The following CSMD1 variants were observed in gnomAD, a reference collection of about 807,000 sequenced individuals.
CSMD1 encodes CUB and sushi domain-containing protein 1.
Under a neutral mutation model 417.5 loss-of-function variants are expected in CSMD1, and 213 were observed. The observed-to-expected ratio is 0.51, with a 90% CI of 0.46 to 0.57. The LOEUF (loss-of-function observed/expected upper bound fraction) is 0.57. Ranked by LOEUF, CSMD1 falls within the 20% of genes least tolerant of loss-of-function variation. The probability of loss-of-function intolerance (pLI) is 0.00; values close to 1 mark genes in which losing one functional copy is unlikely to be tolerated. For synonymous variants in CSMD1, 2,862 were observed against 1,736.8 expected, an observed-to-expected ratio of 1.65 and a Z score of -16.11; for missense variants, 6,923 against 4,529.7, an observed-to-expected ratio of 1.53 and a Z score of -15.17.
intron 12 of CSMD1, among the ~76,000 whole-genome samples, chr8:3,441,209 G>A (rs908768104): frequency 6.6e-6 from 1 of 152,170 alleles, no homozygotes; most frequent in East Asian, 1.9e-4. Context: ...GATCTGGCAG[G>A]GAGCATGGCT....
intron 3 of CSMD1, among the ~76,000 whole-genome samples, chr8:4,195,643 C>A (rs184332295): frequency 6.6e-6 from 1 of 152,066 alleles, no homozygotes; most frequent in African/African-American, 2.4e-5. Context: ...ATGGAGTTAT[C>A]GATGCTCCTT....
chr8:4,334,887 T>C (rs1024656779), intron 3 of CSMD1, among the ~76,000 whole-genome samples: 36 of 152,206 alleles, frequency 2.4e-4, no homozygotes, highest in Admixed American at 1.6e-3. Context: ...ATCAAGGTGA[T>C]AGATCAGGTG....
At chr8:4,458,222 T>G (rs1357616040) in intron 2 of CSMD1, among the ~76,000 whole-genome samples, 1 of 152,180 alleles carries the variant, frequency 6.6e-6, no homozygotes, top group Admixed American at 6.5e-5. Flanking sequence ...ATATGGAACT[T>G]ATAATGATCG....
chr8:3,586,646 T>C (rs1584925895), intron 8 of CSMD1, among the ~76,000 whole-genome samples: 1 of 152,140 alleles, frequency 6.6e-6, no homozygotes, highest in East Asian at 1.9e-4. Context: ...TGAATAAATA[T>C]TTTACAAAAA....
intron 54 of CSMD1, among the ~76,000 whole-genome samples, chr8:2,983,753 A>T (rs1805621478): frequency 2.0e-5 from 3 of 152,342 alleles, no homozygotes; most frequent in African/African-American, 7.2e-5. Flanking sequence ...GGTCGTGCCT[A>T]ACTTCTTATT....
At chr8:4,972,557 C>T (rs1810305750) in intron 1 of CSMD1, among the ~76,000 whole-genome samples, 1 of 152,160 alleles carries the variant, frequency 6.6e-6, no homozygotes, top group Non-Finnish European at 1.5e-5. Flanking sequence ...CCATGGGGAA[C>T]TGTGAGTCAA....
chr8:3,124,688 C>T (rs890237803), intron 41 of CSMD1, among the ~76,000 whole-genome samples: 2 of 152,126 alleles, frequency 1.3e-5, no homozygotes, highest in Admixed American at 6.6e-5. Context: ...TAAGTGGAGA[C>T]GAAGTAGTCG....
intron 50 of CSMD1, among the ~76,000 whole-genome samples, chr8:3,040,155 G>A (rs1487021223): frequency 1.3e-5 from 2 of 152,016 alleles, no homozygotes; most frequent in Non-Finnish European, 2.9e-5. Context: ...TGGAGAAGAT[G>A]GAAAGATTGA....
chr8:4,520,301 T>C lies in CSMD1; in HGVS notation c.303-100236A>G, dbSNP rs573096578. 9.2e-5 allele frequency among the ~76,000 whole-genome samples: 14 copies of C among 152,326 alleles called. No homozygotes were observed. The East Asian group carries it at 2.5e-3, about 27-fold the overall frequency. On this transcript the variant is annotated intron_variant, in intron 2 of 69. Coordinates refer to ENST00000635120, the MANE Select transcript of CSMD1 (RefSeq NM_033225.6). Reference sequence around the variant, plus strand: ...ATACTCCCCAAACTTCAGTTTCACATGACTAATGTAGAACATTTGCTGTAG... The same window carrying C: ...ATACTCCCCAAACTTCAGTTTCACACGACTAATGTAGAACATTTGCTGTAG...
intron 1 of CSMD1, among the ~76,000 whole-genome samples, chr8:4,794,359 G>C (rs761271314): frequency 3.9e-5 from 6 of 152,110 alleles, no homozygotes; most frequent in African/African-American, 1.4e-4. Context: ...TCTCATATAG[G>C]AGGGATTTCT....
intron 54 of CSMD1, among the ~76,000 whole-genome samples, chr8:2,989,548 G>A (rs922518062): frequency 6.6e-6 from 1 of 152,048 alleles, no homozygotes. Context: ...GAAAAGGCAA[G>A]AAGTTTAAAA....
chr8:4,254,639 T>C lies in CSMD1; in HGVS notation c.415+165314A>G, dbSNP rs1028495294. ...ACAACTTCCAGGCCTGCAAGATTTA[T>C]CTGTGGTAACTGCCGTAGACAGGTG... On this transcript the variant is annotated intron_variant, in intron 3 of 69. Transcript: ENST00000635120. 2.1e-4 allele frequency among the ~76,000 whole-genome samples: 32 copies of C among 152,198 alleles called. 1 individual carries two copies. The highest frequency in any genetic ancestry group is 7.0e-4 in the African/African-American group (29 of 41,438).
In CSMD1 at chr8:3,194,408, C is replaced by CGATTTTATTTTATTT. The variant is rs371866526; in HGVS notation, c.5195-4294_5195-4293insAAATAAAATAAAATC. Among the ~76,000 whole-genome samples the CGATTTTATTTTATTT allele has an allele frequency of 9.9e-4, 133 of 134,912 alleles. 1 individual carries two copies. Among genetic ancestry groups the CGATTTTATTTTATTT allele is most frequent in the African/African-American group, 3.4e-3 (126 of 37,216 alleles). 88.5% of individuals were successfully genotyped at this position (134,912 alleles called of 152,430 possible). On this transcript the variant is annotated intron_variant, in intron 33 of 69. Transcript: ENST00000635120. Reference sequence around the variant, plus strand: ...TATTTTCAGGAGACCATCTGATTAACTATTTTATTTTATTTTATTTTATTT... The same window carrying CGATTTTATTTTATTT: ...TATTTTCAGGAGACCATCTGATTAACGATTTTATTTTATTTTATTTTATTTTATTTTATTTTATTT...
chr8:4,008,944 T>G (rs1816344884), intron 4 of CSMD1, among the ~76,000 whole-genome samples: 1 of 152,144 alleles, frequency 6.6e-6, no homozygotes, highest in African/African-American at 2.4e-5. Context: ...CTCCTATGAT[T>G]TCCATGCCAA....
At chr8:3,106,721 T>A (rs187128924) in intron 45 of CSMD1, 80 bp from the exon 46 acceptor site, 2 of 629,494 alleles carry the variant, frequency 3.2e-6, no homozygotes, top group East Asian at 2.8e-5. Flanking sequence ...GTAGGACTAC[T>A]TAAATGAATT....
chr8:4,945,614 G>C (rs1426485647), intron 1 of CSMD1, among the ~76,000 whole-genome samples: 3 of 152,056 alleles, frequency 2.0e-5, no homozygotes, highest in Non-Finnish European at 4.4e-5. Flanking sequence ...AATTCTAAGT[G>C]ATGTATTCAA....
At chr8:4,871,517 T>C (rs1563639780) in intron 1 of CSMD1, among the ~76,000 whole-genome samples, 1 of 152,116 alleles carries the variant, frequency 6.6e-6, no homozygotes, top group South Asian at 2.1e-4. Flanking sequence ...AAATGAATGG[T>C]CTCACCAAGC....
At chr8:4,270,065 C>T (rs1187601761) in intron 3 of CSMD1, among the ~76,000 whole-genome samples, 1 of 152,104 alleles carries the variant, frequency 6.6e-6, no homozygotes, top group Non-Finnish European at 1.5e-5. Context: ...TATTGAAAAG[C>T]TTCTGAGGAG....
rs901993785 is a variant in CSMD1, at chr8:4,761,384, G to GTA, written c.86-123828_86-123827dup. Among the ~76,000 whole-genome samples the GTA allele has an allele frequency of 7.6e-4, 68 of 89,562 alleles. 1 individual carries two copies. Among genetic ancestry groups the GTA allele is most frequent in the Admixed American group, 3.3e-3 (28 of 8,506 alleles). The allele number at this position is 89,562 out of a possible 152,430, so 58.8% of individuals were successfully genotyped here. A position where few individuals can be genotyped will look rare whatever the true frequency, so the allele number is the denominator to read the frequency against. The stretch of plus-strand genomic sequence containing the variant: ...ATCGTGTTACTTGGTGTGTGTGTGT[G>GTA]TATATATATATATACACACATATAT... On this transcript the variant is annotated intron_variant, in intron 1 of 69. Transcript: ENST00000635120.
Sources: gnomAD v4.1 joint callset for allele counts (sites outside exome capture counted in the v4.1 genomes callset) on GRCh38, gnomAD v4.1.1 for gene constraint, MANE v1.5 for transcripts, NCBI Gene and HGNC (gene_info 2026-07-23, HGNC 2026-07-21) for gene names.